Variants in ANKH observed in about 807,000 individuals in gnomAD.
The protein encoded by ANKH is ANKH inorganic pyrophosphate transport regulator, also known as mineralization regulator ANKH.
ANKH carries 15 observed loss-of-function variants against 49.0 expected under a neutral mutation model. The ratio of observed to expected loss-of-function variants is 0.31; its 90% CI spans 0.20 to 0.47. The LOEUF is 0.47. ANKH is among the 20% of genes least tolerant of loss of function. The pLI is 1.00. For missense variants in ANKH, 429 were observed against 652.0 expected, an observed-to-expected ratio of 0.66 and a Z score of 3.72; for synonymous variants, 273 against 260.0, an observed-to-expected ratio of 1.05 and a Z score of -0.48.
intron 1 of ANKH, among the ~76,000 whole-genome samples, chr5:14,819,938 C>CAT (rs1554008280): frequency 8.3e-4 from 123 of 147,592 alleles, no homozygotes; most frequent in African/African-American, 2.5e-3. Context: ...CACACACACA[C>CAT]ATTAAGCCTA....
In ANKH at chr5:14,706,165, G is replaced by A. The variant is rs886727416; in HGVS notation, c.*5032C>T. ...ATTGTAGACGCTAATGTCAAGTCTTGTTAGTAAAGTGCACTTTAAGTTATG... is the reference window on the plus strand; with the variant it reads ...ATTGTAGACGCTAATGTCAAGTCTTATTAGTAAAGTGCACTTTAAGTTATG... On this transcript the variant is annotated 3_prime_UTR_variant, in exon 12 of 12. Coordinates refer to ENST00000284268, the MANE Select transcript of ANKH (RefSeq NM_054027.6). 1.3e-5 allele frequency: 2 copies of A among 152,160 alleles called. No individual in the cohort carries two copies. The highest frequency in any genetic ancestry group is 6.5e-5 in the Admixed American group (1 of 15,272). The allele number at this position is 152,160 out of a possible 1,614,324, so 9.4% of individuals were successfully genotyped here. A position where few individuals can be genotyped will look rare whatever the true frequency, so the allele number is the denominator to read the frequency against.
At chr5:14,839,255 T>C (rs1282869382) in intron 1 of ANKH, among the ~76,000 whole-genome samples, 3 of 152,216 alleles carry the variant, frequency 2.0e-5, no homozygotes, top group African/African-American at 7.2e-5. Context: ...ATTCAGAATA[T>C]GTAAACTAAT....
intron 1 of ANKH, among the ~76,000 whole-genome samples, chr5:14,843,240 A>G (rs953233335): frequency 6.6e-6 from 1 of 150,502 alleles, no homozygotes; most frequent in African/African-American, 2.4e-5. Context: ...CAATGGCACA[A>G]TTTTGGCTCA....
intron 1 of ANKH, among the ~76,000 whole-genome samples, chr5:14,783,323 CA>C (rs367962987): frequency 2.7e-5 from 4 of 148,914 alleles, no homozygotes; most frequent in East Asian, 2.0e-4. Context: ...CACACACACA[CA>C]CACACACCAC....
chr5:14,746,605 C>A (rs1006352589), intron 6 of ANKH, among the ~76,000 whole-genome samples: 1 of 152,196 alleles, frequency 6.6e-6, no homozygotes, highest in African/African-American at 2.4e-5. Context: ...AATTTCTAAT[C>A]TTGTGGCTAA....
chr5:14,757,677 G>C lies in ANKH; in HGVS notation c.432+803C>G, dbSNP rs565049124. On this transcript the variant is annotated intron_variant, in intron 3 of 11. Coordinates refer to ENST00000284268, the MANE Select transcript of ANKH (RefSeq NM_054027.6). ...GGTAAGTTTATCAGAAAGTGATTCTGATCCTTTGATCCTGAGTATATCAGA... is the reference window on the plus strand; with the variant it reads ...GGTAAGTTTATCAGAAAGTGATTCTCATCCTTTGATCCTGAGTATATCAGA... Among the ~76,000 whole-genome samples, 3 of 152,130 alleles carry C rather than the reference G, an allele frequency of 2.0e-5. No individual in the cohort carries two copies. The South Asian group carries it at 6.2e-4, about 32-fold the overall frequency.
chr5:14,818,755 T>A lies in ANKH; in HGVS notation c.97-49564A>T, dbSNP rs115430321. Among the ~76,000 whole-genome samples the A allele has an allele frequency of 7.6e-3, 1,157 of 151,326 alleles. 13 individuals are homozygous for A. Among genetic ancestry groups the A allele is most frequent in the Non-Finnish European group, 0.01 (682 of 67,882 alleles). ...CTAGTCTCAAGGTTGCCACTTCCAA[T>A]GGAAACAGCAATTCTGCCCTTGATT... On this transcript the variant is annotated intron_variant, in intron 1 of 11. Transcript: ENST00000284268.
At chr5:14,840,398 C>G (rs1741783880) in intron 1 of ANKH, among the ~76,000 whole-genome samples, 1 of 152,132 alleles carries the variant, frequency 6.6e-6, no homozygotes, top group Admixed American at 6.5e-5. Context: ...GTTGTTTGTG[C>G]TGCATTTTTC....
intron 8 of ANKH, among the ~76,000 whole-genome samples, chr5:14,740,881 C>T (rs1340774637): frequency 6.6e-6 from 1 of 152,226 alleles, no homozygotes; most frequent in Non-Finnish European, 1.5e-5. Context: ...ATGACAACTG[C>T]ACACATCTCG....
chr5:14,838,326 G>T (rs1741718366), intron 1 of ANKH, among the ~76,000 whole-genome samples: 1 of 151,656 alleles, frequency 6.6e-6, no homozygotes, highest in Non-Finnish European at 1.5e-5. Context: ...CATGGCACAT[G>T]TATACATATG....
At chr5:14,730,680 G>A (rs1187896034) in intron 8 of ANKH, among the ~76,000 whole-genome samples, 3 of 152,224 alleles carry the variant, frequency 2.0e-5, no homozygotes, top group Non-Finnish European at 2.9e-5. Context: ...GGATGGGGCC[G>A]ACGTGTATGT....
chr5:14,734,904 G>T (rs2126454740), intron 8 of ANKH, among the ~76,000 whole-genome samples: 1 of 152,334 alleles, frequency 6.6e-6, no homozygotes, highest in East Asian at 1.9e-4. Flanking sequence ...ATCTGGGGGT[G>T]AAGAAATACA....
intron 1 of ANKH, among the ~76,000 whole-genome samples, chr5:14,847,015 A>AAAAAG (rs1395242735): frequency 6.6e-6 from 1 of 151,692 alleles, no homozygotes; most frequent in East Asian, 1.9e-4. Flanking sequence ...CAAAAAAAAA[A>AAAAAG]AAAAAAACAA....
chr5:14,721,939 A>C (rs1737683882), intron 8 of ANKH, among the ~76,000 whole-genome samples: 1 of 147,898 alleles, frequency 6.8e-6, no homozygotes, highest in Non-Finnish European at 1.5e-5. Flanking sequence ...CAAAAAAAAA[A>C]AAAAAAAAAA....
At chr5:14,810,576 TA>T (rs1740850226) in intron 1 of ANKH, among the ~76,000 whole-genome samples, 1 of 152,228 alleles carries the variant, frequency 6.6e-6, no homozygotes, top group Non-Finnish European at 1.5e-5. Context: ...GAGTTTAAAG[TA>T]CCCAAGTGAC....
At chr5:14,754,333 G>GT (rs70964567) in intron 4 of ANKH, among the ~76,000 whole-genome samples, 8,937 of 132,768 alleles carry the variant, frequency 0.067, 441 homozygotes, top group Admixed American at 0.16. Context: ...AAAGTTAAGA[G>GT]TTTTTTTTTT....
rs1738522068 is a variant in ANKH at position 14,745,950 on chromosome 5, A to C, written c.835T>G (p.Leu279Val). The change falls in exon 7 of 12, where the codon TTG (leucine) becomes GTG (valine). Residue 279 changes from leucine (L) to valine (V), a missense_variant. By Grantham distance (32) the Leu-to-Val change is conservative (BLOSUM62 1). Coordinates refer to ENST00000284268, the MANE Select transcript of ANKH (RefSeq NM_054027.6). The surrounding 1 kb of genome is among the most constrained non-coding windows in gnomAD (Gnocchi z 4.7). Reference sequence around the variant, plus strand: ...TGACCCACAGGGTATGTGGCTGTCAAAATCGCCACTGCCTGCAACAGGAAG... The same window carrying C: ...TGACCCACAGGGTATGTGGCTGTCACAATCGCCACTGCCTGCAACAGGAAG... ...SSAATEAVAI[L>V]TATYPVGHMP... The C allele has an allele frequency of 3.1e-6, 5 of 1,614,040 alleles. No homozygotes were observed. The highest frequency in any genetic ancestry group is 4.2e-6 in the Non-Finnish European group (5 of 1,180,012).
intron 1 of ANKH, 77 bp downstream of exon 1, chr5:14,871,275 C>T: frequency 7.7e-7 from 1 of 1,301,450 alleles, no homozygotes; most frequent in Non-Finnish European, 1.1e-6. Context: ...GAGCAGGTGA[C>T]TCCCCTCCGC....
At position 14,705,481 on chromosome 5, in the gene ANKH, G is replaced by C. The variant is rs1257907513; in HGVS notation, c.*5716C>G. 2 of 152,206 alleles carry C rather than the reference G, an allele frequency of 1.3e-5. No homozygotes were observed. The highest frequency in any genetic ancestry group is 2.4e-5 in the African/African-American group (1 of 41,452). 9.4% of individuals were successfully genotyped at this position (152,206 alleles called of 1,614,324 possible). A position where few individuals can be genotyped will look rare whatever the true frequency, so the allele number is the denominator to read the frequency against. On this transcript the variant is annotated 3_prime_UTR_variant, in exon 12 of 12. Transcript: ENST00000284268. The stretch of plus-strand genomic sequence containing the variant: ...GATGAGCAAGGTGAGGCCAAGAAGC[G>C]TGAGTGATATGGAAGCCTCCAGCTT...
Sources: gnomAD v4.1 joint callset for allele counts (sites outside exome capture counted in the v4.1 genomes callset) on GRCh38, gnomAD v4.1.1 for gene constraint, Gnocchi (gnomAD v3.1) non-coding constraint, MANE v1.5 for transcripts, NCBI Gene and HGNC (gene_info 2026-07-23, HGNC 2026-07-21) for gene names.